Variants in HIGD1C observed in about 807,000 individuals in gnomAD.
The protein encoded by HIGD1C is HIG1 hypoxia inducible domain family member 1C, also known as HIG1 domain family member 1C.
In HIGD1C, 11 loss-of-function variants were observed where a neutral mutation model predicts 13.1. That is an observed-to-expected ratio of 0.84 (90% CI 0.53 to 1.39). The LOEUF (loss-of-function observed/expected upper bound fraction) is 1.39. Ranked by LOEUF, HIGD1C falls within the 40% of genes most tolerant of loss-of-function variation. The pLI is 0.00. For missense variants in HIGD1C, 110 were observed against 112.0 expected, an observed-to-expected ratio of 0.98 and a Z score of 0.08; for synonymous variants, 36 against 37.7, an observed-to-expected ratio of 0.95 and a Z score of 0.17.
At chr12:50,937,432 G>C in the HIGD1C span, among the ~76,000 whole-genome samples, 1 of 152,196 alleles carries the variant, frequency 6.6e-6, no homozygotes, top group Non-Finnish European at 1.5e-5. Context: ...GCCTCAAAGT[G>C]GTGTTACAGC....
At chr12:50,945,989 C>A in the HIGD1C span, among the ~76,000 whole-genome samples, 1 of 152,044 alleles carries the variant, frequency 6.6e-6, no homozygotes, top group Admixed American at 6.5e-5. Context: ...GAAAGGATTC[C>A]CTATTTAATA....
chr12:50,968,643 G>A (rs71445772), intron 2 of HIGD1C, among the ~76,000 whole-genome samples: 22,719 of 152,050 alleles, frequency 0.15, 1,900 homozygotes, highest in South Asian at 0.27. Context: ...CCAGGTTCAA[G>A]TGATTCTCCT....
Position 50,961,872 on chromosome 12 carries a change from T to C in HIGD1C, c.229+770T>C, listed in dbSNP as rs1939342936. Among the ~76,000 whole-genome samples, 6 of 152,304 alleles carry C rather than the reference T, an allele frequency of 3.9e-5. No individual in the cohort carries two copies. The South Asian group carries it at 1.2e-3, about 32-fold the overall frequency. On this transcript the variant is annotated intron_variant, in intron 2 of 2. Coordinates refer to ENST00000398455, the Ensembl canonical transcript of HIGD1C. Reference sequence around the variant, plus strand: ...AAGGAAAGTTACGTGGTAATAATCTTATTACTGTGAGCTGTAATGTGCTCC... The same window carrying C: ...AAGGAAAGTTACGTGGTAATAATCTCATTACTGTGAGCTGTAATGTGCTCC...
chr12:50,958,151 A>G (rs1386078685), intron 1 of HIGD1C, among the ~76,000 whole-genome samples: 2 of 151,902 alleles, frequency 1.3e-5, no homozygotes, highest in Admixed American at 6.6e-5. Flanking sequence ...AAAGATGTCA[A>G]TTCTCCCCAA....
upstream of HIGD1C, among the ~76,000 whole-genome samples, chr12:50,952,699 G>A (rs968241227): frequency 3.3e-5 from 5 of 152,138 alleles, no homozygotes; most frequent in Admixed American, 6.5e-5. Context: ...GCGCACCTGC[G>A]ATGGCCTTAC....
upstream of HIGD1C, chr12:50,953,783 A>G (rs201233444): frequency 8.4e-6 from 4 of 474,968 alleles, no homozygotes; most frequent in African/African-American, 8.2e-5. Flanking sequence ...CATTTCCTCT[A>G]TGTATTTTTT....
the HIGD1C span, among the ~76,000 whole-genome samples, chr12:50,948,636 G>A: frequency 1.5e-3 from 219 of 150,976 alleles, no homozygotes; most frequent in East Asian, 0.015. Flanking sequence ...TTGGGAGGCC[G>A]AGGAGGGTGG....
In HIGD1C at chr12:50,968,542, A is replaced by G. The variant is rs1939635536; in HGVS notation, c.230-1900A>G. 2.6e-5 allele frequency among the ~76,000 whole-genome samples: 4 copies of G among 152,132 alleles called. No homozygotes were observed. The South Asian group carries it at 8.3e-4, about 32-fold the overall frequency. On this transcript the variant is annotated intron_variant, in intron 2 of 2. Coordinates refer to ENST00000398455, the Ensembl canonical transcript of HIGD1C. ...GCTGGGACTACAGGCGTGTGCCACC[A>G]TGCCCAGCTAATTTTTGTTTGTTTT...
intron 2 of HIGD1C, among the ~76,000 whole-genome samples, chr12:50,961,808 G>T (rs1481144689): frequency 6.6e-6 from 1 of 152,130 alleles, no homozygotes; most frequent in African/African-American, 2.4e-5. Flanking sequence ...GTCATCCTGC[G>T]TAGGATGGAA....
chr12:50,957,937 G>GGTGTGT (rs71089717), intron 1 of HIGD1C, among the ~76,000 whole-genome samples: 11,066 of 132,290 alleles, frequency 0.084, 589 homozygotes, highest in Non-Finnish European at 0.094. Context: ...ATGAATTGGA[G>GGTGTGT]GTGTGTGTGT....
At chr12:50,940,204 G>T in the HIGD1C span, among the ~76,000 whole-genome samples, 2 of 152,160 alleles carry the variant, frequency 1.3e-5, no homozygotes, top group African/African-American at 4.8e-5. Flanking sequence ...ACTGCTTGTG[G>T]ATATAAACAT....
chr12:50,944,089 T>C, the HIGD1C span, among the ~76,000 whole-genome samples: 1 of 152,044 alleles, frequency 6.6e-6, no homozygotes, highest in Admixed American at 6.6e-5. Flanking sequence ...AGCAGAGGAC[T>C]TCACTTCTCA....
intron 2 of HIGD1C, among the ~76,000 whole-genome samples, chr12:50,963,334 C>T (rs561846025): frequency 2.2e-5 from 3 of 133,776 alleles, no homozygotes; most frequent in Non-Finnish European, 3.1e-5. Flanking sequence ...CACGCCACTG[C>T]ACTCCAGCCT....
At chr12:50,939,288 C>T in the HIGD1C span, among the ~76,000 whole-genome samples, 11 of 151,784 alleles carry the variant, frequency 7.2e-5, no homozygotes, top group Non-Finnish European at 1.0e-4. Context: ...TCTGGAATTA[C>T]AGGCATCTGC....
chr12:50,969,411 T>C (rs1264682987), intron 2 of HIGD1C, among the ~76,000 whole-genome samples: 2 of 151,462 alleles, frequency 1.3e-5, no homozygotes, highest in Non-Finnish European at 2.9e-5. Context: ...AGAAATCTCA[T>C]ACGTAAGGCC....
chr12:50,968,709 T>C (rs1354507433), intron 2 of HIGD1C, among the ~76,000 whole-genome samples: 9 of 151,890 alleles, frequency 5.9e-5, no homozygotes, highest in Admixed American at 1.3e-4. Context: ...ACCTGGCTAA[T>C]TTTTGTATTT....
chr12:50,968,043 G>A (rs890647490), intron 2 of HIGD1C, among the ~76,000 whole-genome samples: 3 of 151,450 alleles, frequency 2.0e-5, no homozygotes, highest in East Asian at 3.9e-4. Context: ...CCTTGCTCAC[G>A]CCACTGCACT....
chr12:50,960,453 T>C (rs1439995666), intron 1 of HIGD1C, among the ~76,000 whole-genome samples: 3 of 152,226 alleles, frequency 2.0e-5, no homozygotes, highest in African/African-American at 7.2e-5. Context: ...GACAAGTTAC[T>C]ACACTATATG....
At chr12:50,954,201 T>C (rs1410142740) in intron 1 of HIGD1C, 109 bp downstream of exon 3, 2 of 676,728 alleles carry the variant, frequency 3.0e-6, no homozygotes, top group South Asian at 4.1e-5. Flanking sequence ...TTTCAGATAA[T>C]TGAAGCTAAC....
Sources: allele counts gnomAD v4.1 joint callset (sites outside exome capture counted in the v4.1 genomes callset), GRCh38; gene constraint gnomAD v4.1.1; transcripts MANE v1.5; gene names NCBI Gene and HGNC (gene_info 2026-07-23, HGNC 2026-07-21).